The following NCOR1 variants were observed in gnomAD, a reference collection of about 807,000 sequenced individuals.
NCOR1 encodes protein phosphatase 1, regulatory subunit 109.
Under a neutral mutation model 288.1 loss-of-function variants are expected in NCOR1, and 63 were observed. That is an observed-to-expected ratio of 0.22 (90% confidence interval 0.18 to 0.27). The LOEUF (loss-of-function observed/expected upper bound fraction) is 0.27. Among genes scored for constraint, NCOR1 ranks in the 10% least tolerant of loss-of-function variants. NCOR1 has a pLI of 1.00. For synonymous variants in NCOR1, 1,007 were observed against 1,065.9 expected (o/e 0.94, Z 1.08); for missense variants, 2,397 against 3,019.2 (o/e 0.79, Z 4.83).
At chr17:16,096,575 A>C (rs1344314341) in intron 21 of NCOR1, among the ~76,000 whole-genome samples, 1 of 152,244 alleles carries the variant, frequency 6.6e-6, no homozygotes, top group Non-Finnish European at 1.5e-5. Context: ...GTTACAAACA[A>C]AAACAGGACT....
intron 42 of NCOR1, 119 bp downstream of exon 42, chr17:16,046,832 G>T: frequency 8.5e-7 from 1 of 1,169,592 alleles, no homozygotes; most frequent in Non-Finnish European, 1.2e-6. Flanking sequence ...AGGATCAGAT[G>T]TGTTGGACAG....
chr17:16,169,543 A>T (rs528392987), intron 4 of NCOR1, among the ~76,000 whole-genome samples: 1 of 152,294 alleles, frequency 6.6e-6, no homozygotes, highest in East Asian at 1.9e-4. Context: ...TGGAAGGAGA[A>T]GTATTAGTTA....
At chr17:16,204,412 A>T (rs1291123360) in intron 1 of NCOR1, among the ~76,000 whole-genome samples, 2 of 152,228 alleles carry the variant, frequency 1.3e-5, no homozygotes. Context: ...CTGAAGTATT[A>T]AATTACAACC....
Position 16,075,620 on chromosome 17 carries a change from C to G in NCOR1, c.3584G>C (p.Ser1195Thr), listed in dbSNP as rs1460430871. The G allele has an allele frequency of 6.2e-7, 1 of 1,614,208 alleles. No individual in the cohort carries two copies. The highest frequency in any genetic ancestry group is 1.1e-5 in the South Asian group (1 of 91,088). Residue 1195 changes from serine to threonine, a missense_variant, in exon 27 of 46, where the codon AGC becomes ACC. Around this residue, in one of 11 missense-constraint regions of NCOR1, gnomAD observed 1,872 missense variants for 2,187.8 expected, o/e 0.86. Transcript: ENST00000268712. ...GSISRMPIEDSSPEKGREEAA... is the reference protein window; with the variant it reads ...GSISRMPIEDTSPEKGREEAA... ...TTCCTCTCTGCCTTTCTCAGGACTG[C>G]TGTCTTCAATGGGCATTCTCGAAAT... is the stretch of plus-strand genomic sequence containing the variant.
chr17:16,163,345 A>G (rs1308656846), intron 5 of NCOR1, among the ~76,000 whole-genome samples: 2 of 152,240 alleles, frequency 1.3e-5, no homozygotes, highest in African/African-American at 4.8e-5. Context: ...TTAAATAATG[A>G]GCAAACAATC....
At chr17:16,160,263 A>C (rs2080561466) in intron 5 of NCOR1, among the ~76,000 whole-genome samples, 2 of 152,300 alleles carry the variant, frequency 1.3e-5, no homozygotes, top group African/African-American at 4.8e-5. Flanking sequence ...ACAATTATAA[A>C]TTGTAAATAT....
chr17:16,190,632 C>A (rs1364089660), intron 2 of NCOR1, among the ~76,000 whole-genome samples: 1 of 152,002 alleles, frequency 6.6e-6, no homozygotes. Flanking sequence ...TGAGCTACCA[C>A]GCCCAGCCAA....
chr17:16,138,716 C>T (rs946904814), intron 12 of NCOR1, among the ~76,000 whole-genome samples: 2 of 152,188 alleles, frequency 1.3e-5, no homozygotes, highest in Non-Finnish European at 2.9e-5. Flanking sequence ...GATTAGTCTA[C>T]GGTAATACAT....
At chr17:16,144,413 T>C (rs1178935286) in intron 10 of NCOR1, among the ~76,000 whole-genome samples, 2 of 152,218 alleles carry the variant, frequency 1.3e-5, no homozygotes, top group Admixed American at 1.3e-4. Flanking sequence ...TGTTTACTGG[T>C]TGATAATAAA....
intron 1 of NCOR1, among the ~76,000 whole-genome samples, chr17:16,199,213 A>AC (rs1326581078): frequency 0.015 from 1,729 of 112,330 alleles, 16 homozygotes; most frequent in African/African-American, 0.042. Flanking sequence ...GGAAAAAAAA[A>AC]AAAACACACA....
rs1417981513 is a variant in NCOR1 at position 16,057,515 on chromosome 17, T to A, written c.6391A>T (p.Ser2131Cys). The change falls in exon 40 of 46, where the codon AGT becomes TGT. Residue 2131 changes from serine to cysteine, a missense_variant and splice_region_variant. Physicochemically the swap from Ser to Cys is moderately radical, Grantham distance 112. Coordinates refer to ENST00000268712, the MANE Select transcript of NCOR1 (RefSeq NM_006311.4). ...TATAATTTGGAATAAAGATCATACC[T>A]TCCCCTGGATTTGTCCACAAGATTT... ...PENLVDKSRGSRPGKSPERSH... is the reference protein window; with the variant it reads ...PENLVDKSRGCRPGKSPERSH... 1 of 1,612,634 alleles carries A rather than the reference T, an allele frequency of 6.2e-7. No homozygotes were observed. Among genetic ancestry groups the A allele is most frequent in the East Asian group, 2.2e-5 (1 of 44,870 alleles).
At chr17:16,173,512 CA>C (rs549084922) in intron 3 of NCOR1, among the ~76,000 whole-genome samples, 10 of 144,934 alleles carry the variant, frequency 6.9e-5, no homozygotes, top group East Asian at 2.0e-4. Flanking sequence ...AAAGAATTGG[CA>C]AAAAAAAAAC....
rs554240841 is a variant in NCOR1, at chr17:16,049,601, A to G, written c.6393-613T>C. Among the ~76,000 whole-genome samples the G allele has an allele frequency of 2.1e-5, 3 of 145,100 alleles. No homozygotes were observed. In the East Asian group the frequency reaches 5.9e-4, roughly 29 times the overall value. On this transcript the variant is annotated intron_variant, in intron 40 of 45. Transcript: ENST00000268712. The stretch of plus-strand genomic sequence containing the variant: ...CCATTTATCATTTTTTTTTTTTTTG[A>G]GACAGAGTCTGGCTTTGTCACCCAG...
At chr17:16,146,819 T>TAGC (rs905964793) in intron 9 of NCOR1, among the ~76,000 whole-genome samples, 6 of 152,204 alleles carry the variant, frequency 3.9e-5, no homozygotes, top group African/African-American at 1.2e-4. Context: ...CTACTAGTAG[T>TAGC]AGCTGACCAG....
At chr17:16,140,470 T>C (rs747774578) in intron 11 of NCOR1, among the ~76,000 whole-genome samples, 7 of 152,036 alleles carry the variant, frequency 4.6e-5, no homozygotes, top group Non-Finnish European at 7.4e-5. Context: ...CCAAGTCTAA[T>C]CTGGGCAGTA....
intron 14 of NCOR1, among the ~76,000 whole-genome samples, chr17:16,131,974 T>C (rs191295168): frequency 1.7e-4 from 26 of 152,354 alleles, no homozygotes; most frequent in Non-Finnish European, 3.5e-4. Flanking sequence ...TAGAGTCACA[T>C]AGGTACAATT....
At chr17:16,116,961 G>A (rs995030033) in intron 18 of NCOR1, among the ~76,000 whole-genome samples, 1 of 152,124 alleles carries the variant, frequency 6.6e-6, no homozygotes, top group Non-Finnish European at 1.5e-5. Context: ...CACCATAAAT[G>A]CAAATGTCAT....
At chr17:16,074,546 A>T (rs1234951686) in intron 27 of NCOR1, among the ~76,000 whole-genome samples, 3 of 152,248 alleles carry the variant, frequency 2.0e-5, no homozygotes, top group Non-Finnish European at 4.4e-5. Context: ...CCAGACGTGT[A>T]AAGGAGAGTG....
At chr17:16,065,281 G>C (rs1018243598) in intron 33 of NCOR1, among the ~76,000 whole-genome samples, 2 of 152,140 alleles carry the variant, frequency 1.3e-5, no homozygotes, top group African/African-American at 4.8e-5. Flanking sequence ...TCAGCACAAG[G>C]ATTTGGTTTA....
Sources: gnomAD v4.1 joint callset for allele counts (sites outside exome capture counted in the v4.1 genomes callset) on GRCh38, gnomAD v4.1.1 for gene constraint, gnomAD v4.1.1 regional missense constraint, MANE v1.5 for transcripts, NCBI Gene and HGNC (gene_info 2026-07-23, HGNC 2026-07-21) for gene names.